RNF213: variants seen among roughly 807,000 people sequenced by gnomAD.
The protein encoded by RNF213 is ring finger protein 213, also known as E3 ubiquitin-protein ligase RNF213.
A neutral mutation model predicts 514.4 loss-of-function variants in RNF213; 341 were observed. The observed-to-expected ratio is 0.66, with a 90% CI of 0.61 to 0.73. RNF213 has a LOEUF of 0.73. Ranked by LOEUF, RNF213 falls within the 30% of genes least tolerant of loss-of-function variation. RNF213 has a pLI of 0.00. For synonymous variants in RNF213, 2,655 were observed against 2,658.2 expected (o/e 1.00, Z 0.04); for missense variants, 5,767 against 6,615.6 (o/e 0.87, Z 4.45).
At chr17:80,389,014 C>A in intron 64 of RNF213, 159 bp from the exon 65 acceptor site, 1 of 692,392 alleles carries the variant, frequency 1.4e-6, no homozygotes, top group Non-Finnish European at 2.5e-6. Context: ...TCCATGGCCT[C>A]CAGGAACTGC....
intron 14 of RNF213, 111 bp downstream of exon 14, chr17:80,309,282 G>A: frequency 1.5e-6 from 2 of 1,345,234 alleles, no homozygotes; most frequent in East Asian, 2.3e-5. Context: ...ATGAGATGGA[G>A]CGGTGGTTTC....
intron 52 of RNF213, 68 bp downstream of exon 52, chr17:80,376,611 C>T (rs535422471): frequency 3.3e-5 from 53 of 1,605,312 alleles, no homozygotes; most frequent in Admixed American, 1.5e-4. Flanking sequence ...CTGTAGAGAC[C>T]GAGCTGCAGC....
At position 80,317,464 on chromosome 17, in the gene RNF213, T is replaced by C. The variant is rs1200700945; in HGVS notation, c.2901+187T>C. ...GTCCCTAGAAGAGCGCTTCGGAGTC[T>C]TACTGAGAGGACAGAGAAGAACAAG... On this transcript the variant is annotated intron_variant, in intron 16 of 67. Transcript: ENST00000582970. This position sits in a 1 kb window ranked among gnomAD's most constrained non-coding sequence, Gnocchi z 4.1. Among the ~76,000 whole-genome samples, 2 of 152,104 alleles carry C rather than the reference T, an allele frequency of 1.3e-5. No individual in the cohort carries two copies. The highest frequency in any genetic ancestry group is 2.9e-5 in the Non-Finnish European group (2 of 68,014).
At chr17:80,320,853 C>A (rs1035150314) in intron 17 of RNF213, 1 of 152,168 alleles carries the variant, frequency 6.6e-6, no homozygotes, top group Non-Finnish European at 1.5e-5. Context: ...CAGGCATGGC[C>A]GGGCACACCT....
chr17:80,332,637 T>G lies in RNF213; in HGVS notation c.4143+6T>G. The stretch of plus-strand genomic sequence containing the variant: ...TCAACACTTTACTAAATTTTGTAAG[T>G]TATTTGCTGGGGACTGTGGGGGTTT... On this transcript the variant is annotated splice_donor_region_variant and intron_variant, in intron 21 of 67. Coordinates refer to ENST00000582970, the MANE Select transcript of RNF213 (RefSeq NM_001256071.3). 3 of 1,478,844 alleles carry G rather than the reference T, an allele frequency of 2.0e-6. No individual in the cohort carries two copies. The highest frequency in any genetic ancestry group is 2.7e-6 in the Non-Finnish European group (3 of 1,118,512). 91.6% of individuals were successfully genotyped at this position (1,478,844 alleles called of 1,614,324 possible).
chr17:80,393,223 C>A, intron 67 of RNF213, 122 bp from the exon 68 acceptor site: 1 of 971,490 alleles, frequency 1.0e-6, no homozygotes. Flanking sequence ...TCCACTGACC[C>A]ACCCACCTCA....
intron 23 of RNF213, 39 bp from the exon 24 acceptor site, chr17:80,337,547 T>C: frequency 6.5e-7 from 1 of 1,533,078 alleles, no homozygotes; most frequent in Non-Finnish European, 8.7e-7. Context: ...AGATCCTCGC[T>C]CCAACCGTGG....
chr17:80,357,164 G>A (rs1001919965), intron 36 of RNF213, among the ~76,000 whole-genome samples: 19 of 152,220 alleles, frequency 1.2e-4, no homozygotes, highest in African/African-American at 3.1e-4. Flanking sequence ...TGATCCGCCC[G>A]CCTCAGCCTC....
At chr17:80,368,475 C>T (rs1292500303) in intron 44 of RNF213, among the ~76,000 whole-genome samples, 1 of 151,392 alleles carries the variant, frequency 6.6e-6, no homozygotes, top group Non-Finnish European at 1.5e-5. Flanking sequence ...CTCTGTTGCC[C>T]AGGCTGGAGT....
chr17:80,354,184 CCT>C lies in RNF213; in HGVS notation c.10726+21_10726+22del, dbSNP rs763396377. Reference sequence around the variant, plus strand: ...GTGCCACGGTATGAGCCTCCCCACCCCTCTTGCCCCTGCCCCCACGTGGGCTC... The same window carrying C: ...GTGCCACGGTATGAGCCTCCCCACCCCTTGCCCCTGCCCCCACGTGGGCTC... On this transcript the variant is annotated intron_variant, in intron 35 of 67. Transcript: ENST00000582970. The C allele has an allele frequency of 1.2e-5, 20 of 1,612,042 alleles. No homozygotes were observed. The highest frequency in any genetic ancestry group is 1.7e-5 in the Non-Finnish European group (20 of 1,179,776).
intron 3 of RNF213, among the ~76,000 whole-genome samples, chr17:80,287,436 A>T (rs2044510920): frequency 6.6e-6 from 1 of 152,212 alleles, no homozygotes; most frequent in African/African-American, 2.4e-5. Context: ...CCAGGAGGTC[A>T]AGGCTACAGT....
chr17:80,275,743 A>T (rs952915054), intron 3 of RNF213, among the ~76,000 whole-genome samples: 2 of 151,974 alleles, frequency 1.3e-5, no homozygotes, highest in African/African-American at 2.4e-5. Flanking sequence ...CTCAACTGCA[A>T]CCTTTGCCTC....
At chr17:80,301,928 C>T (rs1030945288) in intron 11 of RNF213, among the ~76,000 whole-genome samples, 4 of 152,208 alleles carry the variant, frequency 2.6e-5, no homozygotes. Context: ...TGTCTATATA[C>T]ACAGTAGAAT....
Position 80,334,097 on chromosome 17 carries a change from T to G in RNF213, c.4144-8T>G, listed in dbSNP as rs2077914314. ...AGTTCCAGTCCACAGTAGAGCTTTTTCTTGCAGACTGATAACTTCGACGAC... is the reference window on the plus strand; with the variant it reads ...AGTTCCAGTCCACAGTAGAGCTTTTGCTTGCAGACTGATAACTTCGACGAC... On this transcript the variant is annotated splice_region_variant and splice_polypyrimidine_tract_variant and intron_variant, in intron 21 of 67. Coordinates refer to ENST00000582970, the MANE Select transcript of RNF213 (RefSeq NM_001256071.3). 6.5e-7 allele frequency: 1 copy of G among 1,537,068 alleles called. No homozygotes were observed. The highest frequency in any genetic ancestry group is 2.0e-5 in the Admixed American group (1 of 50,972).
At chr17:80,281,852 A>T (rs1598912461) in intron 3 of RNF213, among the ~76,000 whole-genome samples, 1 of 151,948 alleles carries the variant, frequency 6.6e-6, no homozygotes, top group Non-Finnish European at 1.5e-5. Context: ...TGTACACTTA[A>T]TTTTTTATTT....
intron 3 of RNF213, among the ~76,000 whole-genome samples, chr17:80,286,914 C>T (rs1338793833): frequency 6.6e-6 from 1 of 152,184 alleles, no homozygotes; most frequent in Non-Finnish European, 1.5e-5. Flanking sequence ...TACACCTGAA[C>T]CTGGATGTGC....
intron 41 of RNF213, 77 bp downstream of exon 41, chr17:80,363,867 C>T (rs1358617914): frequency 7.1e-7 from 1 of 1,406,194 alleles, no homozygotes; most frequent in African/African-American, 1.4e-5. Flanking sequence ...CAGGCATGTC[C>T]ATGAGAAGAC....
At chr17:80,290,535 A>G in intron 6 of RNF213, 35 bp from the exon 7 acceptor site, 1 of 1,612,450 alleles carries the variant, frequency 6.2e-7, no homozygotes, top group Non-Finnish European at 8.5e-7. Context: ...GACAGATCTC[A>G]CGGGAATCAG....
intron 6 of RNF213, 146 bp from the exon 7 acceptor site, chr17:80,290,424 A>G (rs1453634824): frequency 2.3e-6 from 2 of 887,824 alleles, no homozygotes; most frequent in South Asian, 1.4e-5. Flanking sequence ...CGTGTGTGCG[A>G]GTGTGCGCGT....
Sources: allele counts gnomAD v4.1 joint callset (sites outside exome capture counted in the v4.1 genomes callset), GRCh38; gene constraint gnomAD v4.1.1; non-coding constraint Gnocchi (gnomAD v3.1); transcripts MANE v1.5; gene names NCBI Gene and HGNC (gene_info 2026-07-23, HGNC 2026-07-21).